Variants in GRB2 observed in about 807,000 individuals in gnomAD.
The protein encoded by GRB2 is growth factor receptor bound protein 2, also known as growth factor receptor-bound protein 2.
GRB2 carries 2 observed loss-of-function variants against 27.4 expected under a neutral mutation model. The observed-to-expected ratio is 0.07, with a 90% confidence interval of 0.03 to 0.23. The LOEUF (loss-of-function observed/expected upper bound fraction) is 0.23. GRB2 is among the 10% of genes least tolerant of loss of function. The pLI is 1.00. For synonymous variants in GRB2, 94 were observed against 99.6 expected (o/e 0.94, Z 0.33); for missense variants, 102 against 282.4 (o/e 0.36, Z 4.58).
intron 3 of GRB2, among the ~76,000 whole-genome samples, chr17:75,330,934 G>C (rs537623004): frequency 3.5e-4 from 54 of 152,184 alleles, no homozygotes; most frequent in Admixed American, 6.5e-4. Context: ...TTGTTAACTT[G>C]AATGCTGCAT....
chr17:75,401,472 A>AAAGGCTAAC (rs1567879045), intron 1 of GRB2, among the ~76,000 whole-genome samples: 2 of 151,330 alleles, frequency 1.3e-5, no homozygotes, highest in African/African-American at 4.8e-5. Context: ...AAAAAAAAAA[A>AAAGGCTAAC]AGGCTAACAA....
chr17:75,368,541 GTTT>G (rs1246663313), intron 2 of GRB2, among the ~76,000 whole-genome samples: 12 of 142,856 alleles, frequency 8.4e-5, no homozygotes, highest in East Asian at 4.1e-4. Context: ...TTTTTTTGTT[GTTT>G]TTTTTTTTAA....
chr17:75,343,899 G>A (rs1275604549), intron 2 of GRB2, among the ~76,000 whole-genome samples: 1 of 152,158 alleles, frequency 6.6e-6, no homozygotes, highest in African/African-American at 2.4e-5. Context: ...AGAAAAATCT[G>A]TGTATTTGAA....
chr17:75,383,830 T>C (rs1026349507), intron 2 of GRB2, among the ~76,000 whole-genome samples: 1 of 152,050 alleles, frequency 6.6e-6, no homozygotes, highest in Non-Finnish European at 1.5e-5. Flanking sequence ...ACAGCCTGGG[T>C]GACAGAGCGA....
At chr17:75,324,262 C>T (rs1316101201) in intron 4 of GRB2, among the ~76,000 whole-genome samples, 4 of 151,466 alleles carry the variant, frequency 2.6e-5, no homozygotes, top group Admixed American at 1.3e-4. Context: ...TGTAGTGGCA[C>T]GATCTTGGCT....
intron 2 of GRB2, among the ~76,000 whole-genome samples, chr17:75,352,954 G>C (rs2078702393): frequency 6.6e-6 from 1 of 151,432 alleles, no homozygotes; most frequent in South Asian, 2.1e-4. Flanking sequence ...GGGAGGCCGA[G>C]GTGGGTGGAT....
At chr17:75,345,685 G>T (rs1276771249) in intron 2 of GRB2, among the ~76,000 whole-genome samples, 1 of 152,096 alleles carries the variant, frequency 6.6e-6, no homozygotes, top group Non-Finnish European at 1.5e-5. Flanking sequence ...GGGTAGAGTG[G>T]CAAGTCCCTA....
At chr17:75,382,481 A>C (rs1405858944) in intron 2 of GRB2, among the ~76,000 whole-genome samples, 1 of 152,174 alleles carries the variant, frequency 6.6e-6, no homozygotes, top group Non-Finnish European at 1.5e-5. Context: ...CTAAATCTCA[A>C]AATCCAAAAT....
At chr17:75,386,817 T>C (rs965572642) in intron 2 of GRB2, among the ~76,000 whole-genome samples, 7 of 152,190 alleles carry the variant, frequency 4.6e-5, no homozygotes, top group Non-Finnish European at 7.3e-5. Context: ...ACTTGCTAGA[T>C]GTGTGAATCT....
At chr17:75,337,989 G>C (rs760974161) in intron 2 of GRB2, among the ~76,000 whole-genome samples, 5 of 149,788 alleles carry the variant, frequency 3.3e-5, no homozygotes, top group Admixed American at 6.7e-5. Context: ...GGAGTGCAGT[G>C]GCACAATCTC....
chr17:75,369,207 C>G (rs1209542720), intron 2 of GRB2, among the ~76,000 whole-genome samples: 1 of 152,148 alleles, frequency 6.6e-6, no homozygotes, highest in Non-Finnish European at 1.5e-5. Context: ...ATAAAAAGAA[C>G]ATCTTAGAAA....
chr17:75,379,163 C>T (rs2078912208), intron 2 of GRB2, among the ~76,000 whole-genome samples: 1 of 152,034 alleles, frequency 6.6e-6, no homozygotes, highest in African/African-American at 2.4e-5. Context: ...TGGCTATATG[C>T]ATTAAACGTT....
intron 2 of GRB2, chr17:75,387,687 A>T (rs1403315177): frequency 6.6e-6 from 1 of 151,826 alleles, no homozygotes; most frequent in Non-Finnish European, 1.5e-5. Context: ...AATCCCATCT[A>T]CTCGGGAGGC....
chr17:75,402,736 T>C (rs1431290101), intron 1 of GRB2, among the ~76,000 whole-genome samples: 3 of 152,184 alleles, frequency 2.0e-5, no homozygotes, highest in Non-Finnish European at 4.4e-5. Context: ...GATTTTAAAA[T>C]TTGCATTCCA....
In GRB2 at chr17:75,354,966, C is replaced by A. The variant is rs547905738; in HGVS notation, c.79-22169G>T. ...GGGATTACAGGCACATGCCAACATGCCTGGCTAATTTTTGTATTTTTAGTA... is the reference window on the plus strand; with the variant it reads ...GGGATTACAGGCACATGCCAACATGACTGGCTAATTTTTGTATTTTTAGTA... On this transcript the variant is annotated intron_variant, in intron 2 of 5. Coordinates refer to ENST00000316804, the MANE Select transcript of GRB2 (RefSeq NM_002086.5). 3.9e-5 allele frequency among the ~76,000 whole-genome samples: 6 copies of A among 152,184 alleles called. No individual in the cohort carries two copies. In the South Asian group the frequency reaches 1.2e-3, roughly 32 times the overall value.
intron 2 of GRB2, among the ~76,000 whole-genome samples, chr17:75,336,157 T>C (rs1357277949): frequency 6.6e-6 from 1 of 152,214 alleles, no homozygotes; most frequent in African/African-American, 2.4e-5. Flanking sequence ...AATAATGACC[T>C]TATAAAGCAT....
At chr17:75,327,073 CTT>C (rs66526663) in intron 3 of GRB2, among the ~76,000 whole-genome samples, 3 of 135,810 alleles carry the variant, frequency 2.2e-5, no homozygotes, top group Non-Finnish European at 3.1e-5. Context: ...CATATCTTTT[CTT>C]TTTTTTTTTT....
chr17:75,349,427 A>G lies in GRB2; in HGVS notation c.79-16630T>C, dbSNP rs372245922. Among the ~76,000 whole-genome samples, 23 of 151,936 alleles carry G rather than the reference A, an allele frequency of 1.5e-4. No individual in the cohort carries two copies. The East Asian group carries it at 3.9e-3, about 26-fold the overall frequency. The stretch of plus-strand genomic sequence containing the variant: ...AGGCTGTAAAACCTGAGAGCCCAGA[A>G]ACCTTCGAGGACACATGTAGGCTTG... On this transcript the variant is annotated intron_variant, in intron 2 of 5. Coordinates refer to ENST00000316804, the MANE Select transcript of GRB2 (RefSeq NM_002086.5).
At chr17:75,330,172 A>C (rs2078529417) in intron 3 of GRB2, among the ~76,000 whole-genome samples, 1 of 151,540 alleles carries the variant, frequency 6.6e-6, no homozygotes, top group Non-Finnish European at 1.5e-5. Context: ...TCAGGAGGTC[A>C]GGAGATTGAG....
Sources: gnomAD v4.1 joint callset for allele counts (sites outside exome capture counted in the v4.1 genomes callset) on GRCh38, gnomAD v4.1.1 for gene constraint, MANE v1.5 for transcripts, NCBI Gene and HGNC (gene_info 2026-07-23, HGNC 2026-07-21) for gene names.